The following USP6NL variants were observed in gnomAD, a reference collection of about 807,000 sequenced individuals.
The protein encoded by USP6NL is USP6 N-terminal like, also known as USP6 N-terminal-like protein.
In USP6NL, 26 loss-of-function variants were observed where a neutral mutation model predicts 61.9. That is an observed-to-expected ratio of 0.42 (90% CI 0.31 to 0.58). The LOEUF (loss-of-function observed/expected upper bound fraction) is 0.58, where lower values mean the gene tolerates loss of function less well. Among genes scored for constraint, USP6NL ranks in the 20% least tolerant of loss-of-function variants. USP6NL has a pLI of 0.16. For missense variants in USP6NL, 1,114 were observed against 1,034.3 expected (o/e 1.08, Z -1.06); for synonymous variants, 432 against 390.1 (o/e 1.11, Z -1.27).
intron 2 of USP6NL, among the ~76,000 whole-genome samples, chr10:11,581,933 G>A (rs1371098035): frequency 1.3e-5 from 2 of 151,592 alleles, no homozygotes; most frequent in Non-Finnish European, 1.5e-5. Flanking sequence ...CCACCACGCC[G>A]GGCTAATTTT....
Position 11,598,473 on chromosome 10 carries a change from TCTTA to T in USP6NL, c.-83-760_-83-757del, listed in dbSNP as rs914273268. Among the ~76,000 whole-genome samples, 37 of 152,312 alleles carry T rather than the reference TCTTA, an allele frequency of 2.4e-4. No individual in the cohort carries two copies. The highest frequency in any genetic ancestry group is 7.5e-4 in the African/African-American group (31 of 41,572). ...AAGATTTACTTTATAAATCTTCCTT[TCTTA>T]ATTACTGTATTTCTAAAATATTAAT... On this transcript the variant is annotated intron_variant, in intron 1 of 14. Coordinates refer to ENST00000609104, the MANE Select transcript of USP6NL (RefSeq NM_014688.5). The surrounding 1 kb of genome is among the most constrained non-coding windows in gnomAD (Gnocchi z 4.7).
At position 11,561,754 on chromosome 10, in the gene USP6NL, G is replaced by T. The variant is rs778509193; in HGVS notation, c.5-34187C>A. 6.6e-6 allele frequency among the ~76,000 whole-genome samples: 1 copy of T among 152,180 alleles called. No homozygotes were observed. The highest frequency in any genetic ancestry group is 2.4e-5 in the African/African-American group (1 of 41,446). On this transcript the variant is annotated intron_variant, in intron 2 of 14. Transcript: ENST00000609104. The surrounding 1 kb of genome is among the most constrained non-coding windows in gnomAD (Gnocchi z 4.1). The stretch of plus-strand genomic sequence containing the variant: ...AATACTGACTTGCAGACTAGAATTA[G>T]TAGGCCAGATGAAACACAACTTTTA...
intron 7 of USP6NL, among the ~76,000 whole-genome samples, chr10:11,498,920 C>A (rs1478601786): frequency 6.6e-6 from 1 of 152,146 alleles, no homozygotes; most frequent in African/African-American, 2.4e-5. Context: ...TATTTCTATG[C>A]AACCATGTCT....
Position 11,482,389 on chromosome 10 carries a change from G to A in USP6NL, c.926-467C>T, listed in dbSNP as rs1315948663. ...TTTTGTGAGTTTTATTTCTATTTAT[G>A]AAATTCATTTTCTTGGAAAAAGACA... On this transcript the variant is annotated intron_variant, in intron 13 of 14. Coordinates refer to ENST00000609104, the MANE Select transcript of USP6NL (RefSeq NM_014688.5). The surrounding 1 kb of genome is among the most constrained non-coding windows in gnomAD (Gnocchi z 4.0). Among the ~76,000 whole-genome samples the A allele has an allele frequency of 4.6e-5, 7 of 152,152 alleles. No individual in the cohort carries two copies. The highest frequency in any genetic ancestry group is 4.6e-4 in the Admixed American group (7 of 15,278).
intron 5 of USP6NL, among the ~76,000 whole-genome samples, chr10:11,515,458 T>C (rs968624519): frequency 4.6e-5 from 7 of 152,364 alleles, no homozygotes; most frequent in South Asian, 2.1e-4. Context: ...CTGGAGGTTG[T>C]GGGAACCTCT....
At chr10:11,479,826 C>G (rs1305224294) in intron 14 of USP6NL, among the ~76,000 whole-genome samples, 1 of 152,134 alleles carries the variant, frequency 6.6e-6, no homozygotes, top group African/African-American at 2.4e-5. Flanking sequence ...CTGCCCTCCT[C>G]GGCCTCCTGA....
chr10:11,469,213 C>T (rs1004665352), intron 14 of USP6NL, among the ~76,000 whole-genome samples: 5 of 152,200 alleles, frequency 3.3e-5, no homozygotes, highest in African/African-American at 7.2e-5. Context: ...ATGGCAGCCC[C>T]TAATATCTTT....
chr10:11,547,327 C>T (rs1455135781), intron 2 of USP6NL, among the ~76,000 whole-genome samples: 1 of 152,142 alleles, frequency 6.6e-6, no homozygotes, highest in African/African-American at 2.4e-5. Context: ...TCACTATTAT[C>T]GCTGCCAAAT....
chr10:11,555,471 AAGAGAG>A (rs1190819331), intron 2 of USP6NL, among the ~76,000 whole-genome samples: 12 of 62,224 alleles, frequency 1.9e-4, no homozygotes, highest in Admixed American at 8.3e-4. Flanking sequence ...GAGAGAGAGA[AAGAGAG>A]AGAGAGAGAG....
intron 2 of USP6NL, among the ~76,000 whole-genome samples, chr10:11,578,614 A>G (rs1036547677): frequency 6.6e-6 from 1 of 152,162 alleles, no homozygotes; most frequent in African/African-American, 2.4e-5. Flanking sequence ...TATCTCTAAA[A>G]AAAATAAATC....
At chr10:11,581,703 T>C (rs1188179431) in intron 2 of USP6NL, among the ~76,000 whole-genome samples, 2 of 152,256 alleles carry the variant, frequency 1.3e-5, no homozygotes, top group African/African-American at 2.4e-5. Flanking sequence ...CTCTCTTTTT[T>C]GGGTTAAGAA....
At chr10:11,570,734 G>C (rs1412949050) in intron 2 of USP6NL, among the ~76,000 whole-genome samples, 1 of 152,214 alleles carries the variant, frequency 6.6e-6, no homozygotes, top group Non-Finnish European at 1.5e-5. Context: ...CACATCTGAA[G>C]AGATGGTGTG....
At chr10:11,566,824 G>A (rs562407477) in intron 2 of USP6NL, among the ~76,000 whole-genome samples, 41 of 152,362 alleles carry the variant, frequency 2.7e-4, no homozygotes, top group Non-Finnish European at 5.6e-4. Flanking sequence ...AGCAAGAGAG[G>A]AATGGTGCGG....
chr10:11,545,461 C>T (rs544816501), intron 2 of USP6NL, among the ~76,000 whole-genome samples: 20 of 152,318 alleles, frequency 1.3e-4, no homozygotes, highest in Middle Eastern at 3.4e-3. Context: ...TGCCGTGTTC[C>T]ACCTTCTCTA....
chr10:11,543,611 C>T (rs1836154470), intron 2 of USP6NL, among the ~76,000 whole-genome samples: 1 of 151,638 alleles, frequency 6.6e-6, no homozygotes, highest in African/African-American at 2.4e-5. Flanking sequence ...TATTATCTTC[C>T]TAATAGGGAA....
chr10:11,525,294 G>C lies in USP6NL; in HGVS notation c.155+92C>G. 9.7e-7 allele frequency: 1 copy of C among 1,029,190 alleles called. No homozygotes were observed. Among genetic ancestry groups the C allele is most frequent in the Non-Finnish European group, 1.4e-6 (1 of 713,084 alleles). The allele number at this position is 1,029,190 out of a possible 1,614,324, so 63.8% of individuals were successfully genotyped here. A position where few individuals can be genotyped will look rare whatever the true frequency, so the allele number is the denominator to read the frequency against. On this transcript the variant is annotated intron_variant, in intron 4 of 14. Coordinates refer to ENST00000609104, the MANE Select transcript of USP6NL (RefSeq NM_014688.5). The surrounding 1 kb of genome is among the most constrained non-coding windows in gnomAD (Gnocchi z 5.0). Reference sequence around the variant, plus strand: ...ATTGTAAGACTATTCCTTATTCACAGCAATTATATTAAAAATAAAGAAAAT... The same window carrying C: ...ATTGTAAGACTATTCCTTATTCACACCAATTATATTAAAAATAAAGAAAAT...
At chr10:11,505,660 A>T (rs1410795387) in intron 6 of USP6NL, among the ~76,000 whole-genome samples, 2 of 152,232 alleles carry the variant, frequency 1.3e-5, no homozygotes, top group Non-Finnish European at 2.9e-5. Flanking sequence ...CCACAGAAAC[A>T]TTTAAAAATC....
rs1280819746 is a variant in USP6NL, at chr10:11,490,500, C to T, written c.543+332G>A. On this transcript the variant is annotated intron_variant, in intron 9 of 14. Transcript: ENST00000609104. The surrounding 1 kb of genome is among the most constrained non-coding windows in gnomAD (Gnocchi z 4.5). ...AGTCAAGCAAAAATTAACCAAGCCA[C>T]CCACTTCCTGTCCTTCTACCCTGTA... Among the ~76,000 whole-genome samples, 2 of 152,228 alleles carry T rather than the reference C, an allele frequency of 1.3e-5. No individual in the cohort carries two copies. Among genetic ancestry groups the T allele is most frequent in the Admixed American group, 6.5e-5 (1 of 15,288 alleles).
chr10:11,533,795 A>C (rs1395833130), intron 2 of USP6NL, among the ~76,000 whole-genome samples: 1 of 152,238 alleles, frequency 6.6e-6, no homozygotes, highest in Non-Finnish European at 1.5e-5. Context: ...GCATGAAAAC[A>C]CAGGATTCAA....
Sources: gnomAD v4.1 joint callset for allele counts (sites outside exome capture counted in the v4.1 genomes callset) on GRCh38, gnomAD v4.1.1 for gene constraint, Gnocchi (gnomAD v3.1) non-coding constraint, MANE v1.5 for transcripts, NCBI Gene and HGNC (gene_info 2026-07-23, HGNC 2026-07-21) for gene names.